CEP85L: variants seen among roughly 807,000 people sequenced by gnomAD.
CEP85L encodes centrosomal protein 85L.
CEP85L carries 60 observed loss-of-function variants against 100.3 expected under a neutral mutation model. The observed-to-expected ratio is 0.60, with a 90% confidence interval of 0.49 to 0.74. The LOEUF (loss-of-function observed/expected upper bound fraction) is 0.74. Among genes scored for constraint, CEP85L ranks in the 30% least tolerant of loss-of-function variants. CEP85L has a pLI of 0.00. For synonymous variants in CEP85L, 319 were observed against 322.7 expected (o/e 0.99, Z 0.12); for missense variants, 973 against 936.2 (o/e 1.04, Z -0.51).
At chr6:118,471,699 A>T (rs1159716907) in intron 10 of CEP85L, among the ~76,000 whole-genome samples, 1 of 152,002 alleles carries the variant, frequency 6.6e-6, no homozygotes, top group East Asian at 1.9e-4. Context: ...AGTTGGACAG[A>T]AATGAATCAA....
At chr6:118,682,836 T>C (rs1230664111) in intron 1 of CEP85L, among the ~76,000 whole-genome samples, 1 of 151,632 alleles carries the variant, frequency 6.6e-6, no homozygotes, top group Non-Finnish European at 1.5e-5. Flanking sequence ...TTTTTGCTCA[T>C]GTACTTAGTA....
chr6:118,707,797 G>A (rs968684068), intron 1 of CEP85L, among the ~76,000 whole-genome samples: 21 of 151,866 alleles, frequency 1.4e-4, no homozygotes, highest in African/African-American at 3.9e-4. Context: ...CTTAATTCAC[G>A]GAACAGCAAA....
At chr6:118,526,028 G>C (rs1054031472) in intron 3 of CEP85L, among the ~76,000 whole-genome samples, 1 of 152,182 alleles carries the variant, frequency 6.6e-6, no homozygotes, top group Non-Finnish European at 1.5e-5. Flanking sequence ...GCAGGAGACA[G>C]GATAGGATGA....
In CEP85L at chr6:118,565,683, G is replaced by A. The variant is rs1303124044; in HGVS notation, c.866C>T (p.Pro289Leu). ...MLGQQAVGGV[P>L]IQPSVRTQMW... is the part of the protein sequence containing the mutation. Reference sequence around the variant, plus strand: ...CTGAGTCCTTACGGAAGGCTGAATGGGAACTCCACCTACTGCCTGTTGACC... The same window carrying A: ...CTGAGTCCTTACGGAAGGCTGAATGAGAACTCCACCTACTGCCTGTTGACC... Residue 289 changes from proline to leucine, a missense_variant, in exon 3 of 13, where the codon CCC becomes CTC. Coordinates refer to ENST00000368491, the MANE Select transcript of CEP85L (RefSeq NM_001042475.3). 1 of 1,614,052 alleles carries A rather than the reference G, an allele frequency of 6.2e-7. No homozygotes were observed. The highest frequency in any genetic ancestry group is 8.5e-7 in the Non-Finnish European group (1 of 1,180,038).
chr6:118,471,981 G>T (rs1772993641), intron 10 of CEP85L, among the ~76,000 whole-genome samples: 1 of 151,618 alleles, frequency 6.6e-6, no homozygotes, highest in Non-Finnish European at 1.5e-5. Flanking sequence ...CTCAAGATTT[G>T]TGACGGTTTA....
intron 1 of CEP85L, among the ~76,000 whole-genome samples, chr6:118,694,520 A>G (rs1399549586): frequency 6.6e-6 from 1 of 152,158 alleles, no homozygotes; most frequent in East Asian, 1.9e-4. Context: ...TCCTTGCCTT[A>G]GTATTACCTT....
intron 1 of CEP85L, among the ~76,000 whole-genome samples, chr6:118,681,713 A>G (rs1382796061): frequency 2.1e-5 from 3 of 145,556 alleles, no homozygotes. Flanking sequence ...AAATAGATCT[A>G]TTTTACCTTA....
At chr6:118,690,877 G>A (rs1777016352) in intron 1 of CEP85L, among the ~76,000 whole-genome samples, 1 of 151,880 alleles carries the variant, frequency 6.6e-6, no homozygotes, top group Non-Finnish European at 1.5e-5. Context: ...GACTCTCTGT[G>A]GTCCCAGCTA....
intron 3 of CEP85L, among the ~76,000 whole-genome samples, chr6:118,541,227 T>C (rs1490904431): frequency 6.6e-6 from 1 of 152,228 alleles, no homozygotes; most frequent in Non-Finnish European, 1.5e-5. Flanking sequence ...AGCCCACTCA[T>C]CACCTTTGAC....
At chr6:118,707,974 G>A (rs879343330) in intron 1 of CEP85L, among the ~76,000 whole-genome samples, 1 of 150,930 alleles carries the variant, frequency 6.6e-6, no homozygotes, top group Non-Finnish European at 1.5e-5. Flanking sequence ...CTTTTTTGGG[G>A]GGGGGACGGG....
intron 5 of CEP85L, among the ~76,000 whole-genome samples, chr6:118,505,985 G>A (rs1775632360): frequency 6.6e-6 from 1 of 152,166 alleles, no homozygotes; most frequent in African/African-American, 2.4e-5. Flanking sequence ...CACGTGTGAA[G>A]ATATGGAGGA....
intron 2 of CEP85L, among the ~76,000 whole-genome samples, chr6:118,611,018 T>A (rs1320257122): frequency 3.9e-5 from 6 of 151,954 alleles, no homozygotes; most frequent in Non-Finnish European, 8.8e-5. Flanking sequence ...GAATGAAGAA[T>A]GACTATTGGA....
At chr6:118,588,004 T>TCC (rs1402296013) in intron 2 of CEP85L, among the ~76,000 whole-genome samples, 1 of 152,208 alleles carries the variant, frequency 6.6e-6, no homozygotes, top group African/African-American at 2.4e-5. Context: ...CACTTAATCC[T>TCC]CCCAAGGCAT....
intron 5 of CEP85L, chr6:118,502,590 GT>G (rs1582925543): frequency 4.2e-6 from 2 of 479,542 alleles, no homozygotes; most frequent in Non-Finnish European, 3.9e-6. Context: ...TCCGGTTGAA[GT>G]TTTTGACTCT....
At chr6:118,554,270 G>A (rs907974921) in intron 3 of CEP85L, among the ~76,000 whole-genome samples, 15 of 152,092 alleles carry the variant, frequency 9.9e-5, no homozygotes, top group African/African-American at 3.6e-4. Context: ...CTGGGTGACA[G>A]AGCAAGACCC....
At chr6:118,641,394 A>G (rs1316848209) in intron 1 of CEP85L, among the ~76,000 whole-genome samples, 1 of 75,258 alleles carries the variant, frequency 1.3e-5, no homozygotes, top group Non-Finnish European at 3.2e-5. Context: ...AGCTGCTGGA[A>G]GAAAAAAACT....
chr6:118,491,604 C>A (rs759146989), intron 6 of CEP85L, 82 bp downstream of exon 6: 2 of 1,528,060 alleles, frequency 1.3e-6, no homozygotes, highest in Non-Finnish European at 1.8e-6. Flanking sequence ...TGGCATGACA[C>A]CTGACAGGGT....
chr6:118,637,583 C>G (rs1774580294), intron 1 of CEP85L, among the ~76,000 whole-genome samples: 1 of 149,836 alleles, frequency 6.7e-6, no homozygotes, highest in Non-Finnish European at 1.5e-5. Context: ...TGCATGGTGG[C>G]ACATGCCTGT....
chr6:118,535,870 CT>C (rs1777559421), intron 3 of CEP85L, among the ~76,000 whole-genome samples: 1 of 151,918 alleles, frequency 6.6e-6, no homozygotes, highest in African/African-American at 2.4e-5. Context: ...TAAATTAAAT[CT>C]TATAGATTTA....
Sources: allele counts gnomAD v4.1 joint callset (sites outside exome capture counted in the v4.1 genomes callset), GRCh38; gene constraint gnomAD v4.1.1; transcripts MANE v1.5; gene names NCBI Gene and HGNC (gene_info 2026-07-23, HGNC 2026-07-21).